KCNQ3: variants seen among roughly 807,000 people sequenced by gnomAD.
KCNQ3 encodes potassium voltage-gated channel subfamily Q member 3.
KCNQ3 carries 30 observed loss-of-function variants against 92.5 expected under a neutral mutation model. The observed-to-expected ratio is 0.32, with a 90% CI of 0.24 to 0.44. The LOEUF is 0.44. Ranked by LOEUF, KCNQ3 falls within the 20% of genes least tolerant of loss-of-function variation. KCNQ3 has a pLI of 1.00. For missense variants in KCNQ3, 913 were observed against 1,140.3 expected, an observed-to-expected ratio of 0.80 and a Z score of 2.87; for synonymous variants, 450 against 468.8, an observed-to-expected ratio of 0.96 and a Z score of 0.52.
At chr8:132,262,990 G>A (rs1460111359) in intron 1 of KCNQ3, among the ~76,000 whole-genome samples, 1 of 152,148 alleles carries the variant, frequency 6.6e-6, no homozygotes, top group Non-Finnish European at 1.5e-5. Context: ...CTGAGGAATT[G>A]AGCAACGGTC....
rs553505336 is a variant in KCNQ3, at chr8:132,138,213, C to T, written c.1569-197G>A. On this transcript the variant is annotated intron_variant, in intron 11 of 14. Coordinates refer to ENST00000388996, the MANE Select transcript of KCNQ3 (RefSeq NM_004519.4). ...AGTACATCTCCATCAGGATTACTCC[C>T]TTCAATCATTTGAATAATAAGTAAA... 5.8e-4 allele frequency among the ~76,000 whole-genome samples: 89 copies of T among 152,302 alleles called. 1 individual carries two copies. Among genetic ancestry groups the T allele is most frequent in the Non-Finnish European group, 9.7e-4 (66 of 68,014 alleles).
At chr8:132,451,217 T>C (rs1200497155) in intron 1 of KCNQ3, among the ~76,000 whole-genome samples, 3 of 152,214 alleles carry the variant, frequency 2.0e-5, no homozygotes, top group Non-Finnish European at 2.9e-5. Context: ...TCTTGCCTGC[T>C]GCCATGTAAA....
At chr8:132,173,279 T>C (rs1826442099) in intron 6 of KCNQ3, among the ~76,000 whole-genome samples, 1 of 152,158 alleles carries the variant, frequency 6.6e-6, no homozygotes, top group South Asian at 2.1e-4. Flanking sequence ...GCAACATTCC[T>C]ATGGCCCTGA....
In KCNQ3 at chr8:132,336,189, C is replaced by T. The variant is rs551504596; in HGVS notation, c.386+143958G>A. Among the ~76,000 whole-genome samples, 14 of 152,254 alleles carry T rather than the reference C, an allele frequency of 9.2e-5. No homozygotes were observed. In the Middle Eastern group the frequency reaches 0.01, roughly 111 times the overall value. ...TAGGGCTGGGCACTTTGGGACCTACCCCAACCAATGCCAGCAGGGTTTCCA... is the reference window on the plus strand; with the variant it reads ...TAGGGCTGGGCACTTTGGGACCTACTCCAACCAATGCCAGCAGGGTTTCCA... On this transcript the variant is annotated intron_variant, in intron 1 of 14. Transcript: ENST00000388996.
intron 1 of KCNQ3, among the ~76,000 whole-genome samples, chr8:132,417,285 A>T (rs1247856160): frequency 1.1e-4 from 16 of 152,216 alleles, no homozygotes; most frequent in Admixed American, 1.0e-3. Context: ...GGGAGAGACC[A>T]GTTGTCAGAA....
intron 1 of KCNQ3, among the ~76,000 whole-genome samples, chr8:132,452,425 C>A (rs753274193): frequency 6.6e-6 from 1 of 152,182 alleles, no homozygotes; most frequent in African/African-American, 2.4e-5. Context: ...GTCAGAAATG[C>A]TTTCATTTTA....
At chr8:132,254,729 A>C (rs1365161793) in intron 1 of KCNQ3, among the ~76,000 whole-genome samples, 1 of 152,128 alleles carries the variant, frequency 6.6e-6, no homozygotes, top group African/African-American at 2.4e-5. Flanking sequence ...AAATACAAAA[A>C]TTAGCTGGGC....
rs77663285 is a variant in KCNQ3 at position 132,480,291 on chromosome 8, G to A, written c.242C>T (p.Thr81Ile). The change falls in exon 1 of 15, where the codon ACC becomes ATC. Residue 81 changes from threonine to isoleucine, a missense_variant. Physicochemically the swap from Thr to Ile is moderately conservative, Grantham distance 89. Transcript: ENST00000388996. ...GGGRDEGQRR[T>I]PQGIGLLAKT... ...GGCCAGGAGCCCGATGCCCTGCGGG[G>A]TCCTCCGCTGCCCCTCGTCGCGGCC... The A allele has an allele frequency of 6.2e-7, 1 of 1,607,716 alleles. No individual in the cohort carries two copies.
intron 1 of KCNQ3, among the ~76,000 whole-genome samples, chr8:132,390,919 T>C (rs541204835): frequency 6.6e-6 from 1 of 152,240 alleles, no homozygotes; most frequent in Non-Finnish European, 1.5e-5. Context: ...AAAATGTTAT[T>C]ACTATTAAAT....
chr8:132,377,531 G>A (rs537373391), intron 1 of KCNQ3, among the ~76,000 whole-genome samples: 7 of 152,136 alleles, frequency 4.6e-5, no homozygotes, highest in African/African-American at 1.2e-4. Flanking sequence ...CAGGGAGTCC[G>A]CAGGCCTCCC....
At chr8:132,379,075 C>T (rs531995031) in intron 1 of KCNQ3, among the ~76,000 whole-genome samples, 15 of 152,274 alleles carry the variant, frequency 9.9e-5, no homozygotes, top group African/African-American at 3.4e-4. Context: ...AAGTCCCCTG[C>T]ATTTTGGTTG....
chr8:132,178,300 A>C (rs2130146305), intron 4 of KCNQ3, among the ~76,000 whole-genome samples: 1 of 152,338 alleles, frequency 6.6e-6, no homozygotes, highest in Non-Finnish European at 1.5e-5. Flanking sequence ...CTCTGACCTC[A>C]CTGATTCTGC....
intron 1 of KCNQ3, among the ~76,000 whole-genome samples, chr8:132,346,992 T>C (rs1483517860): frequency 6.6e-6 from 1 of 152,152 alleles, no homozygotes; most frequent in Non-Finnish European, 1.5e-5. Flanking sequence ...CGGCGTTGAA[T>C]GGAACTCCTT....
chr8:132,278,121 TCTAA>T (rs1028809793), intron 1 of KCNQ3: 4 of 985,188 alleles, frequency 4.1e-6, no homozygotes, highest in Admixed American at 6.2e-5. Context: ...CCACATTGCC[TCTAA>T]CTAACTAGAG....
rs1376961612 is a variant in KCNQ3, at chr8:132,161,665, G to GAAAAAGAAAAA, written c.1262+1802_1262+1803insTTTTTCTTTTT. Among the ~76,000 whole-genome samples the GAAAAAGAAAAA allele has an allele frequency of 5.4e-5, 8 of 147,868 alleles. No individual in the cohort carries two copies. In the East Asian group the frequency reaches 1.6e-3, roughly 29 times the overall value. The stretch of plus-strand genomic sequence containing the variant: ...AAAAAACAAAAAAGAAAAAGAAAAA[G>GAAAAAGAAAAA]AAAAAAAAAAGAAATATGAATAAAG... On this transcript the variant is annotated intron_variant, in intron 9 of 14. Transcript: ENST00000388996.
At chr8:132,138,290 C>A (rs926679381) in intron 11 of KCNQ3, among the ~76,000 whole-genome samples, 1 of 152,160 alleles carries the variant, frequency 6.6e-6, no homozygotes, top group African/African-American at 2.4e-5. Context: ...GTATGCCAGA[C>A]CATGAGCTTA....
At chr8:132,236,240 G>GA (rs1465270220) in intron 1 of KCNQ3, among the ~76,000 whole-genome samples, 1 of 152,168 alleles carries the variant, frequency 6.6e-6, no homozygotes, top group Non-Finnish European at 1.5e-5. Context: ...TTTTCATTTG[G>GA]AAAATATTTA....
chr8:132,286,967 A>C (rs1816695986), intron 1 of KCNQ3, among the ~76,000 whole-genome samples: 1 of 152,172 alleles, frequency 6.6e-6, no homozygotes, highest in Non-Finnish European at 1.5e-5. Context: ...ATGAAGTAGC[A>C]CTAGGCCCTT....
intron 1 of KCNQ3, among the ~76,000 whole-genome samples, chr8:132,440,781 C>G (rs1265776932): frequency 1.1e-4 from 16 of 152,204 alleles, no homozygotes; most frequent in Admixed American, 1.0e-3. Context: ...AGATGCCACT[C>G]TGCCACCCTC....
Sources: allele counts gnomAD v4.1 joint callset (sites outside exome capture counted in the v4.1 genomes callset), GRCh38; gene constraint gnomAD v4.1.1; transcripts MANE v1.5; gene names NCBI Gene and HGNC (gene_info 2026-07-23, HGNC 2026-07-21).